ABCA13: variants seen among roughly 807,000 people sequenced by gnomAD.
ABCA13 encodes ATP binding cassette subfamily A member 13.
A neutral mutation model predicts 478.7 loss-of-function variants in ABCA13; 476 were observed. That is an observed-to-expected ratio of 0.99 (90% CI 0.92 to 1.07). ABCA13 has a LOEUF of 1.07. ABCA13 is among the 50% of genes least tolerant of loss of function. The pLI is 0.00. For missense variants in ABCA13, 6,060 were observed against 5,910.6 expected (o/e 1.03, Z -0.83); for synonymous variants, 2,252 against 2,158.9 (o/e 1.04, Z -1.20).
At chr7:48,270,469 A>G (rs1426317711) in intron 16 of ABCA13, among the ~76,000 whole-genome samples, 1 of 152,134 alleles carries the variant, frequency 6.6e-6, no homozygotes, top group Non-Finnish European at 1.5e-5. Context: ...CAATACAAAT[A>G]AGTTTTATAT....
chr7:48,344,376 A>G (rs969524804), intron 29 of ABCA13, among the ~76,000 whole-genome samples: 7 of 152,172 alleles, frequency 4.6e-5, no homozygotes, highest in African/African-American at 1.4e-4. Flanking sequence ...CTTGAAAACA[A>G]ATTTCAGGAG....
intron 41 of ABCA13, among the ~76,000 whole-genome samples, chr7:48,415,160 G>A (rs1819805493): frequency 6.6e-6 from 1 of 152,178 alleles, no homozygotes; most frequent in Non-Finnish European, 1.5e-5. Flanking sequence ...CTTCTTAAAT[G>A]TGAATAACAA....
intron 19 of ABCA13, among the ~76,000 whole-genome samples, chr7:48,286,006 G>A (rs1797684595): frequency 6.6e-6 from 1 of 152,202 alleles, no homozygotes; most frequent in Non-Finnish European, 1.5e-5. Context: ...TGCATTTTAT[G>A]TGGTTGAAAA....
intron 27 of ABCA13, among the ~76,000 whole-genome samples, chr7:48,322,642 T>C (rs890658540): frequency 1.3e-5 from 2 of 152,238 alleles, no homozygotes; most frequent in African/African-American, 4.8e-5. Flanking sequence ...CTTGCCTTTG[T>C]TCCTGGAGCT....
intron 47 of ABCA13, among the ~76,000 whole-genome samples, chr7:48,485,698 C>G (rs1370743414): frequency 6.6e-6 from 1 of 152,134 alleles, no homozygotes; most frequent in Non-Finnish European, 1.5e-5. Flanking sequence ...AACTGCAAAC[C>G]GTTAGTAGCA....
chr7:48,227,541 T>C (rs1199328670), intron 6 of ABCA13, 116 bp downstream of exon 6: 21 of 1,263,322 alleles, frequency 1.7e-5, no homozygotes, highest in Non-Finnish European at 2.3e-5. Context: ...ACAATAATGT[T>C]ACCTTGAAAC....
intron 41 of ABCA13, among the ~76,000 whole-genome samples, chr7:48,422,759 G>A (rs1305499895): frequency 1.3e-5 from 2 of 152,242 alleles, no homozygotes; most frequent in African/African-American, 2.4e-5. Context: ...ATATGGGACT[G>A]TGGCAGGAGA....
In ABCA13 at chr7:48,312,942, C is replaced by T. The variant is rs538301995; in HGVS notation, c.9517-125C>T. The T allele has an allele frequency of 2.4e-5, 24 of 990,308 alleles. 3 individuals are homozygous for T. Among genetic ancestry groups the T allele is most frequent in the African/African-American group, 2.1e-4 (13 of 60,720 alleles). 61.3% of individuals were successfully genotyped at this position (990,308 alleles called of 1,614,324 possible). On this transcript the variant is annotated intron_variant, in intron 24 of 61. Transcript: ENST00000435803. ...TAACTTTCATATAGTACCGCAAAGGCGTCTCTGAAGTTCAAGAGAGAATAA... is the reference window on the plus strand; with the variant it reads ...TAACTTTCATATAGTACCGCAAAGGTGTCTCTGAAGTTCAAGAGAGAATAA...
chr7:48,491,367 A>G (rs1829824918), intron 48 of ABCA13, among the ~76,000 whole-genome samples: 1 of 152,178 alleles, frequency 6.6e-6, no homozygotes, highest in Non-Finnish European at 1.5e-5. Context: ...AGGGAAGAGG[A>G]CAAAGGTTCT....
intron 1 of ABCA13, among the ~76,000 whole-genome samples, chr7:48,179,059 C>T (rs2128865183): frequency 6.6e-6 from 1 of 151,404 alleles, no homozygotes; most frequent in East Asian, 1.9e-4. Flanking sequence ...GCTTTTCCTT[C>T]TTACTTGTGA....
At chr7:48,411,049 T>TTCCTTC (rs1554499830) in intron 40 of ABCA13, among the ~76,000 whole-genome samples, 4 of 64,990 alleles carry the variant, frequency 6.2e-5, no homozygotes, top group African/African-American at 5.1e-5. Flanking sequence ...CTTTCTTTCT[T>TTCCTTC]TTTCTTTCTT....
intron 27 of ABCA13, among the ~76,000 whole-genome samples, chr7:48,333,947 G>A (rs1014744317): frequency 6.6e-6 from 1 of 152,150 alleles, no homozygotes; most frequent in African/African-American, 2.4e-5. Flanking sequence ...ACAACCATTT[G>A]CCTGGCTATT....
At chr7:48,548,757 C>T (rs1028945244) in intron 55 of ABCA13, among the ~76,000 whole-genome samples, 1 of 151,744 alleles carries the variant, frequency 6.6e-6, no homozygotes, top group African/African-American at 2.4e-5. Context: ...AGAAACTAAG[C>T]CACCATGAGC....
chr7:48,213,875 T>C (rs1786051402), intron 3 of ABCA13, among the ~76,000 whole-genome samples: 1 of 152,230 alleles, frequency 6.6e-6, no homozygotes, highest in African/African-American at 2.4e-5. Context: ...AGTTTTATTA[T>C]GAGATTGCAA....
chr7:48,448,003 A>G (rs1238044641), intron 42 of ABCA13, among the ~76,000 whole-genome samples: 1 of 152,132 alleles, frequency 6.6e-6, no homozygotes, highest in Non-Finnish European at 1.5e-5. Context: ...CACTTGTGCC[A>G]GATGCCACCG....
intron 40 of ABCA13, among the ~76,000 whole-genome samples, chr7:48,411,724 G>C (rs1316055148): frequency 1.3e-5 from 2 of 152,192 alleles, no homozygotes; most frequent in African/African-American, 4.8e-5. Flanking sequence ...CTGAACTTGG[G>C]TCACATCTGT....
intron 43 of ABCA13, among the ~76,000 whole-genome samples, chr7:48,457,355 C>T (rs1825793194): frequency 6.6e-6 from 1 of 152,086 alleles, no homozygotes; most frequent in Non-Finnish European, 1.5e-5. Context: ...CTCAACTTTA[C>T]CGCTTATCTT....
At chr7:48,524,486 C>T in intron 54 of ABCA13, 46 bp downstream of exon 54, 1 of 1,512,692 alleles carries the variant, frequency 6.6e-7, no homozygotes, top group South Asian at 1.2e-5. Flanking sequence ...TGAACCTGTA[C>T]AACTCTAGTA....
At chr7:48,578,635 G>C (rs1199539418) in intron 55 of ABCA13, among the ~76,000 whole-genome samples, 1 of 152,128 alleles carries the variant, frequency 6.6e-6, no homozygotes, top group Admixed American at 6.6e-5. Flanking sequence ...TTCCCAACCT[G>C]AATGTTAGGT....
Sources: allele counts gnomAD v4.1 joint callset (sites outside exome capture counted in the v4.1 genomes callset), GRCh38; gene constraint gnomAD v4.1.1; transcripts MANE v1.5; gene names NCBI Gene and HGNC (gene_info 2026-07-23, HGNC 2026-07-21).